LRRFIP1: variants seen among roughly 807,000 people sequenced by gnomAD.
The protein encoded by LRRFIP1 is LRR binding FLII interacting protein 1, also known as leucine-rich repeat flightless-interacting protein 1.
Under a neutral mutation model 104.4 loss-of-function variants are expected in LRRFIP1, and 62 were observed. That is an observed-to-expected ratio of 0.59 (90% CI 0.48 to 0.73). The LOEUF (loss-of-function observed/expected upper bound fraction) is 0.73. LRRFIP1 is among the 30% of genes least tolerant of loss of function. The pLI is 0.00. For missense variants in LRRFIP1, 796 were observed against 824.5 expected (o/e 0.97, Z 0.42); for synonymous variants, 300 against 299.0 (o/e 1.00, Z -0.03).
At chr2:237,779,349 C>T (rs910938683) in intron 23 of LRRFIP1, 73 bp from the exon 24 acceptor site, 78 of 1,530,072 alleles carry the variant, frequency 5.1e-5, no homozygotes, top group Admixed American at 1.3e-4. Flanking sequence ...ATTGGAATTT[C>T]GGTAACACAG....
chr2:237,652,553 G>C (rs1230099456), intron 1 of LRRFIP1, among the ~76,000 whole-genome samples: 1 of 152,242 alleles, frequency 6.6e-6, no homozygotes, highest in Admixed American at 6.5e-5. Flanking sequence ...AAGTGAAATA[G>C]AATTACCATA....
intron 8 of LRRFIP1, among the ~76,000 whole-genome samples, chr2:237,731,113 C>G (rs928720602): frequency 1.3e-5 from 2 of 152,200 alleles, no homozygotes; most frequent in Non-Finnish European, 2.9e-5. Flanking sequence ...TTCCGTGAAC[C>G]TGGTGACTCC....
chr2:237,757,934 A>G (rs965149942), intron 17 of LRRFIP1, among the ~76,000 whole-genome samples: 1 of 151,210 alleles, frequency 6.6e-6, no homozygotes, highest in African/African-American at 2.4e-5. Flanking sequence ...AAAAAAATCT[A>G]AGCACCACCA....
At chr2:237,742,793 T>G (rs1471290054) in intron 11 of LRRFIP1, among the ~76,000 whole-genome samples, 1 of 152,098 alleles carries the variant, frequency 6.6e-6, no homozygotes, top group Non-Finnish European at 1.5e-5. Flanking sequence ...CAACAGGTCT[T>G]GGGCAGGGCC....
chr2:237,772,945 T>C lies in LRRFIP1; in HGVS notation c.1707T>C (p.Asn569=). 6.2e-7 allele frequency: 1 copy of C among 1,610,960 alleles called. No individual in the cohort carries two copies. Among genetic ancestry groups the C allele is most frequent in the South Asian group, 1.1e-5 (1 of 90,998 alleles). ...SEQEITALEQ[N]VIRLESQVSR... ...AAGAGATAACTGCATTAGAACAAAA[T>C]GTACGTGTAAGCAACAACGGGCAGA... The change falls in exon 22 of 24, where the codon AAT becomes AAC. Residue 569 remains asparagine (N), a splice_region_variant and synonymous_variant. Coordinates refer to ENST00000308482, the MANE Select transcript of LRRFIP1 (RefSeq NM_001137550.2).
At chr2:237,683,323 G>A (rs919955565) in intron 1 of LRRFIP1, 2 of 152,258 alleles carry the variant, frequency 1.3e-5, no homozygotes, top group Non-Finnish European at 2.9e-5. Flanking sequence ...TCATGCCAAG[G>A]CAGCTGCCCA....
chr2:237,698,976 T>C (rs1219349496), intron 1 of LRRFIP1, among the ~76,000 whole-genome samples: 1 of 152,254 alleles, frequency 6.6e-6, no homozygotes, highest in Non-Finnish European at 1.5e-5. Flanking sequence ...ATACAGGTAG[T>C]TTATAGTAAC....
intron 1 of LRRFIP1, among the ~76,000 whole-genome samples, chr2:237,645,003 G>C (rs1031499017): frequency 6.6e-6 from 1 of 152,202 alleles, no homozygotes; most frequent in African/African-American, 2.4e-5. Context: ...GGTGTCTGCA[G>C]GTTTCTCCTC....
rs3769103 is a variant in LRRFIP1 at position 237,700,702 on chromosome 2, G to A, written c.97-7842G>A. Among the ~76,000 whole-genome samples the A allele has an allele frequency of 9.8e-3, 1,487 of 152,274 alleles. 72 individuals carry two copies. In the East Asian group the frequency reaches 0.098, roughly 10 times the overall value. On this transcript the variant is annotated intron_variant, in intron 1 of 23. Coordinates refer to ENST00000308482, the MANE Select transcript of LRRFIP1 (RefSeq NM_001137550.2). ...CCAGTCCTCTGTCCATTGGCCCACT[G>A]GGTGTCCCTAATATGCGCTAACAGG...
chr2:237,659,693 A>G (rs987385697), intron 1 of LRRFIP1, among the ~76,000 whole-genome samples: 2 of 151,430 alleles, frequency 1.3e-5, no homozygotes, highest in African/African-American at 4.8e-5. Flanking sequence ...CCTAGGCTAG[A>G]GTACAGCGGT....
Position 237,735,436 on chromosome 2 carries a change from A to C in LRRFIP1, c.555+103A>C. ...CCGTGGGGGGTGACTGGCCATTCTC[A>C]GGAGGAAGCGCCGAGTCACCGGGCT... On this transcript the variant is annotated intron_variant, in intron 10 of 23. Coordinates refer to ENST00000308482, the MANE Select transcript of LRRFIP1 (RefSeq NM_001137550.2). The surrounding 1 kb of genome is among the most constrained non-coding windows in gnomAD (Gnocchi z 4.6). The C allele has an allele frequency of 3.7e-6, 4 of 1,090,458 alleles. No homozygotes were observed. Among genetic ancestry groups the C allele is most frequent in the Non-Finnish European group, 5.2e-6 (4 of 775,020 alleles). The allele number at this position is 1,090,458 out of a possible 1,614,324, so 67.5% of individuals were successfully genotyped here.
intron 1 of LRRFIP1, among the ~76,000 whole-genome samples, chr2:237,702,236 A>G (rs2093575901): frequency 6.6e-6 from 1 of 152,222 alleles, no homozygotes; most frequent in Non-Finnish European, 1.5e-5. Context: ...ACGCAACAAT[A>G]GAACTCGAGT....
chr2:237,640,748 ACT>A (rs1034237053), intron 1 of LRRFIP1, among the ~76,000 whole-genome samples: 2 of 151,706 alleles, frequency 1.3e-5, no homozygotes, highest in Non-Finnish European at 2.9e-5. Flanking sequence ...TCTGCACGAT[ACT>A]CTCCTCATCA....
chr2:237,642,139 C>T (rs1203987845), intron 1 of LRRFIP1, among the ~76,000 whole-genome samples: 2 of 152,212 alleles, frequency 1.3e-5, no homozygotes, highest in East Asian at 1.9e-4. Flanking sequence ...GGAGGCGATA[C>T]TGGGTGGCTG....
chr2:237,703,715 T>C lies in LRRFIP1; in HGVS notation c.97-4829T>C, dbSNP rs1226905428. Among the ~76,000 whole-genome samples, 4 of 152,058 alleles carry C rather than the reference T, an allele frequency of 2.6e-5. No individual in the cohort carries two copies. Among genetic ancestry groups the C allele is most frequent in the Non-Finnish European group, 4.4e-5 (3 of 68,008 alleles). On this transcript the variant is annotated intron_variant, in intron 1 of 23. Transcript: ENST00000308482. This position sits in a 1 kb window ranked among gnomAD's most constrained non-coding sequence, Gnocchi z 4.3. ...CCATGTGGTCCTCATCACATGTACA[T>C]TGTCACCAGGTGCTTTGCCTGTTTC...
chr2:237,723,101 C>T (rs976803111), intron 6 of LRRFIP1, among the ~76,000 whole-genome samples: 1 of 152,060 alleles, frequency 6.6e-6, no homozygotes, highest in Non-Finnish European at 1.5e-5. Context: ...GTGATTTATA[C>T]TACTCTGGAA....
chr2:237,658,389 A>C (rs903793079), intron 1 of LRRFIP1, among the ~76,000 whole-genome samples: 1 of 152,242 alleles, frequency 6.6e-6, no homozygotes, highest in Non-Finnish European at 1.5e-5. Context: ...GCAGGTCCCA[A>C]TAAAAATATT....
At chr2:237,734,272 CCT>C (rs1002200680) in intron 9 of LRRFIP1, among the ~76,000 whole-genome samples, 2 of 125,194 alleles carry the variant, frequency 1.6e-5, no homozygotes, top group African/African-American at 7.6e-5. Flanking sequence ...TTGTTAATAA[CCT>C]TTTTTTTTTT....
intron 1 of LRRFIP1, among the ~76,000 whole-genome samples, chr2:237,645,589 G>T (rs1052349334): frequency 2.0e-5 from 3 of 151,836 alleles, no homozygotes; most frequent in Non-Finnish European, 4.4e-5. Flanking sequence ...AACAAGATAT[G>T]CTTGGGAGAT....
Sources: allele counts gnomAD v4.1 joint callset (sites outside exome capture counted in the v4.1 genomes callset), GRCh38; gene constraint gnomAD v4.1.1; non-coding constraint Gnocchi (gnomAD v3.1); transcripts MANE v1.5; gene names NCBI Gene and HGNC (gene_info 2026-07-23, HGNC 2026-07-21).